The following MEGF11 variants were observed in gnomAD, a reference collection of about 807,000 sequenced individuals.
MEGF11 encodes the protein multiple EGF like domains 11, also known as multiple epidermal growth factor-like domains protein 11.
MEGF11 carries 126 observed loss-of-function variants against 146.6 expected under a neutral mutation model. The observed-to-expected ratio is 0.86, with a 90% CI of 0.74 to 1.00. MEGF11 has a LOEUF of 1.00. MEGF11 is among the 50% of genes least tolerant of loss of function. The pLI is 0.00. For synonymous variants in MEGF11, 532 were observed against 583.4 expected (o/e 0.91, Z 1.27); for missense variants, 1,509 against 1,521.2 (o/e 0.99, Z 0.13).
At chr15:66,172,436 A>G (rs887281988) in intron 1 of MEGF11, among the ~76,000 whole-genome samples, 4 of 152,112 alleles carry the variant, frequency 2.6e-5, no homozygotes, top group Non-Finnish European at 5.9e-5. Flanking sequence ...CTCTGCTTCT[A>G]CTTGCATTCA....
chr15:66,147,451 A>G (rs1415397016), intron 1 of MEGF11, among the ~76,000 whole-genome samples: 1 of 152,162 alleles, frequency 6.6e-6, no homozygotes, highest in African/African-American at 2.4e-5. Context: ...TTACCAGAAA[A>G]CCACAGACCC....
chr15:66,015,541 T>A (rs1419775639), intron 5 of MEGF11, among the ~76,000 whole-genome samples: 1 of 152,036 alleles, frequency 6.6e-6, no homozygotes, highest in Admixed American at 6.5e-5. Context: ...AAGAAAGTCA[T>A]AAAAGTTATA....
intron 1 of MEGF11, among the ~76,000 whole-genome samples, chr15:66,140,960 T>C (rs1301539435): frequency 1.3e-5 from 2 of 152,120 alleles, no homozygotes; most frequent in Admixed American, 6.5e-5. Flanking sequence ...GGTTGAACAT[T>C]GAGTGTGCTG....
intron 5 of MEGF11, among the ~76,000 whole-genome samples, chr15:66,045,588 G>A (rs1190358845): frequency 6.6e-6 from 1 of 152,134 alleles, no homozygotes; most frequent in Non-Finnish European, 1.5e-5. Flanking sequence ...AGACTAGTCC[G>A]GGCCAGCAGG....
rs2089098936 is a variant in MEGF11 at position 66,140,614 on chromosome 15, A to G, written c.-8-12203T>C. On this transcript the variant is annotated intron_variant, in intron 1 of 25. Coordinates refer to ENST00000395614, the MANE Select transcript of MEGF11 (RefSeq NM_001385028.1). ...AATTTCTAAATTTGCCGTAATACAT[A>G]CAGGGACTCAATAGGGTAGGAAGAA... is the stretch of plus-strand genomic sequence containing the variant. Among the ~76,000 whole-genome samples, 3 of 152,350 alleles carry G rather than the reference A, an allele frequency of 2.0e-5. No homozygotes were observed. The South Asian group carries it at 6.2e-4, about 32-fold the overall frequency.
chr15:66,036,294 C>T (rs2083723830), intron 5 of MEGF11, among the ~76,000 whole-genome samples: 1 of 152,262 alleles, frequency 6.6e-6, no homozygotes, highest in Non-Finnish European at 1.5e-5. Flanking sequence ...ATCCTTTCTC[C>T]CTGCTCCCTC....
chr15:65,946,741 A>G (rs2141411936), intron 10 of MEGF11, among the ~76,000 whole-genome samples: 1 of 152,302 alleles, frequency 6.6e-6, no homozygotes, highest in East Asian at 1.9e-4. Context: ...GACACAGAGA[A>G]TGGAGGTCAA....
chr15:66,108,299 G>T (rs2087200782), intron 4 of MEGF11, among the ~76,000 whole-genome samples: 1 of 152,226 alleles, frequency 6.6e-6, no homozygotes, highest in African/African-American at 2.4e-5. Context: ...GGCAGGAATA[G>T]AGTGGATTGA....
At chr15:65,987,717 A>T (rs1438562537) in intron 5 of MEGF11, among the ~76,000 whole-genome samples, 3 of 151,774 alleles carry the variant, frequency 2.0e-5, no homozygotes, top group African/African-American at 7.3e-5. Context: ...CTATTTTATT[A>T]TTTTTATTTT....
chr15:65,950,522 A>G (rs528557981), intron 10 of MEGF11, among the ~76,000 whole-genome samples: 17 of 152,152 alleles, frequency 1.1e-4, no homozygotes, highest in South Asian at 6.2e-4. Context: ...AAGGCTGCAC[A>G]GTGAGCCAAG....
intron 1 of MEGF11, among the ~76,000 whole-genome samples, chr15:66,240,434 T>C (rs1204439266): frequency 6.6e-6 from 1 of 152,202 alleles, no homozygotes; most frequent in East Asian, 1.9e-4. Context: ...GCAGGCCTGT[T>C]GCCTGTCACG....
chr15:65,930,249 C>G, intron 11 of MEGF11, among the ~76,000 whole-genome samples: 1 of 152,190 alleles, frequency 6.6e-6, no homozygotes, highest in East Asian at 1.9e-4. Context: ...TCACTGGCCT[C>G]TTTGCCTACC....
chr15:66,001,977 G>A (rs370328805), intron 5 of MEGF11, among the ~76,000 whole-genome samples: 1 of 152,116 alleles, frequency 6.6e-6, no homozygotes, highest in African/African-American at 2.4e-5. Context: ...GGGGGATGGG[G>A]GACCTTTCAG....
intron 5 of MEGF11, among the ~76,000 whole-genome samples, chr15:66,046,319 A>G (rs1365641236): frequency 1.3e-5 from 2 of 152,176 alleles, no homozygotes; most frequent in Admixed American, 6.5e-5. Context: ...GGACTATCCA[A>G]ACTTCCCAAA....
intron 1 of MEGF11, among the ~76,000 whole-genome samples, chr15:66,219,301 A>T (rs1429612102): frequency 6.6e-6 from 1 of 152,250 alleles, no homozygotes; most frequent in African/African-American, 2.4e-5. Context: ...ATATCTGCAC[A>T]TCACATAGCC....
At chr15:66,093,429 T>C (rs912619211) in intron 5 of MEGF11, among the ~76,000 whole-genome samples, 1 of 152,144 alleles carries the variant, frequency 6.6e-6, no homozygotes, top group Non-Finnish European at 1.5e-5. Flanking sequence ...AGGTATGGGA[T>C]GGGGAACATG....
intron 5 of MEGF11, among the ~76,000 whole-genome samples, chr15:66,044,676 C>T (rs1391610815): frequency 8.2e-5 from 3 of 36,564 alleles, no homozygotes; most frequent in African/African-American, 1.7e-4. Flanking sequence ...CCTCGTATCA[C>T]TAAAAATAAT....
At chr15:65,914,132 C>G (rs1204664099) in intron 19 of MEGF11, 159 bp from the exon 20 acceptor site, 2 of 611,710 alleles carry the variant, frequency 3.3e-6, no homozygotes, top group Non-Finnish European at 5.8e-6. Flanking sequence ...CCAGCCCTCA[C>G]TGTGCCTTCA....
intron 1 of MEGF11, among the ~76,000 whole-genome samples, chr15:66,142,576 C>G (rs557757599): frequency 2.6e-5 from 4 of 152,194 alleles, no homozygotes; most frequent in Non-Finnish European, 4.4e-5. Context: ...CCGGCACGAC[C>G]GCCAGCCTGG....
Sources: allele counts gnomAD v4.1 joint callset (sites outside exome capture counted in the v4.1 genomes callset), GRCh38; gene constraint gnomAD v4.1.1; transcripts MANE v1.5; gene names NCBI Gene and HGNC (gene_info 2026-07-23, HGNC 2026-07-21).